Variants in CACNA2D3 observed in about 807,000 individuals in gnomAD.
CACNA2D3 encodes the protein calcium voltage-gated channel auxiliary subunit alpha2delta 3.
A neutral mutation model predicts 160.6 loss-of-function variants in CACNA2D3; 60 were observed. That is an observed-to-expected ratio of 0.37 (90% CI 0.30 to 0.46). The LOEUF is 0.46. Ranked by LOEUF, CACNA2D3 falls within the 20% of genes least tolerant of loss-of-function variation. The pLI is 1.00. For missense variants in CACNA2D3, 1,205 were observed against 1,365.0 expected (o/e 0.88, Z 1.85); for synonymous variants, 558 against 492.9 (o/e 1.13, Z -1.75).
intron 17 of CACNA2D3, among the ~76,000 whole-genome samples, chr3:54,853,644 G>C (rs1699106920): frequency 6.6e-6 from 1 of 152,172 alleles, no homozygotes; most frequent in African/African-American, 2.4e-5. Flanking sequence ...CAAAGCAAGG[G>C]TTCCCTGGTG....
chr3:54,303,846 T>C (rs1432272150), intron 2 of CACNA2D3, among the ~76,000 whole-genome samples: 1 of 145,016 alleles, frequency 6.9e-6, no homozygotes, highest in African/African-American at 2.6e-5. Flanking sequence ...TTTCTATTGC[T>C]TAGTGCTGCT....
chr3:54,484,674 TTTAATTG>T (rs374386097), intron 4 of CACNA2D3, among the ~76,000 whole-genome samples: 1,806 of 152,320 alleles, frequency 0.012, 25 homozygotes, highest in Middle Eastern at 0.065. Flanking sequence ...GTGTCTATCT[TTTAATTG>T]CTTCTTAACT....
chr3:54,742,274 C>T (rs1701665728), intron 11 of CACNA2D3, among the ~76,000 whole-genome samples: 1 of 151,962 alleles, frequency 6.6e-6, no homozygotes, highest in East Asian at 1.9e-4. Flanking sequence ...CAAAAATTAG[C>T]CAATGTGGTG....
At chr3:54,442,118 A>G (rs1300154074) in intron 4 of CACNA2D3, among the ~76,000 whole-genome samples, 1 of 152,120 alleles carries the variant, frequency 6.6e-6, no homozygotes, top group Non-Finnish European at 1.5e-5. Context: ...TCATACGCTT[A>G]AATTGTTGAT....
chr3:54,132,041 G>A (rs977519203), intron 2 of CACNA2D3, among the ~76,000 whole-genome samples: 6 of 152,178 alleles, frequency 3.9e-5, no homozygotes, highest in Non-Finnish European at 7.3e-5. Flanking sequence ...CTACAGTCGC[G>A]AGTCATAACA....
chr3:54,885,785 A>G (rs1009752110), intron 23 of CACNA2D3, among the ~76,000 whole-genome samples, 199 bp downstream of exon 23: 1 of 152,184 alleles, frequency 6.6e-6, no homozygotes, highest in African/African-American at 2.4e-5. Flanking sequence ...AGAATCCCCA[A>G]TCCTGGTTTA....
At chr3:54,203,264 G>A (rs1428231233) in intron 2 of CACNA2D3, among the ~76,000 whole-genome samples, 3 of 152,164 alleles carry the variant, frequency 2.0e-5, no homozygotes, top group Non-Finnish European at 4.4e-5. Flanking sequence ...CTCGCAGGGC[G>A]TGCGATGGGG....
chr3:54,645,220 T>C (rs561600214), intron 11 of CACNA2D3, among the ~76,000 whole-genome samples: 1 of 152,034 alleles, frequency 6.6e-6, no homozygotes, highest in Non-Finnish European at 1.5e-5. Flanking sequence ...GAGCCTCTTA[T>C]GAAACCATTA....
intron 17 of CACNA2D3, among the ~76,000 whole-genome samples, chr3:54,847,017 A>G (rs545369431): frequency 1.1e-4 from 17 of 152,374 alleles, no homozygotes; most frequent in Admixed American, 1.0e-3. Context: ...TGTCATATCC[A>G]GTAGCATTGC....
intron 34 of CACNA2D3, among the ~76,000 whole-genome samples, chr3:55,015,530 C>A (rs1287569848): frequency 6.6e-6 from 1 of 152,186 alleles, no homozygotes; most frequent in East Asian, 1.9e-4. Flanking sequence ...TGTGCCGCAT[C>A]CACTTATAAC....
Position 54,503,575 on chromosome 3 carries a change from C to T in CACNA2D3, c.465C>T (p.Ala155=), listed in dbSNP as rs779392550. ...FLELGKEFIL[A]PNDHFNNLPV... The stretch of plus-strand genomic sequence containing the variant: ...AGCTGGGAAAGGAATTCATCTTAGC[C>T]CCAAATGACCATTTTAATAATTTGC... The change falls in exon 5 of 38, where the codon GCC becomes GCT. Residue 155 remains alanine, a synonymous_variant. Transcript: ENST00000474759. The T allele has an allele frequency of 1.9e-6, 3 of 1,613,450 alleles. No homozygotes were observed. Among genetic ancestry groups the T allele is most frequent in the South Asian group, 1.1e-5 (1 of 91,078 alleles).
At position 54,525,817 on chromosome 3, in the gene CACNA2D3, G is replaced by T. The variant is rs552774581; in HGVS notation, c.544+22163G>T. On this transcript the variant is annotated intron_variant, in intron 5 of 37. Transcript: ENST00000474759. ...CTATGATGTGTCTTTTTGCATATCT[G>T]TTTGCGTTTATATGAATTGGAGTTC... Among the ~76,000 whole-genome samples the T allele has an allele frequency of 2.7e-5, 4 of 150,370 alleles. No homozygotes were observed. In the South Asian group the frequency reaches 8.5e-4, roughly 32 times the overall value.
chr3:54,437,412 A>G (rs1304950766), intron 4 of CACNA2D3, among the ~76,000 whole-genome samples: 1 of 152,212 alleles, frequency 6.6e-6, no homozygotes, highest in Non-Finnish European at 1.5e-5. Flanking sequence ...TTTTCTAAGT[A>G]AAATAAAACC....
At position 54,969,804 on chromosome 3, in the gene CACNA2D3, C is replaced by T; in HGVS notation, c.2516C>T (p.Ala839Val). 6.2e-7 allele frequency: 1 copy of T among 1,612,782 alleles called. No individual in the cohort carries two copies. The highest frequency in any genetic ancestry group is 8.5e-7 in the Non-Finnish European group (1 of 1,179,292). ...RKFWTASRQC[A>V]SLDGKCSISC... ...CTCCACTTTTTGCCTTCACAGTGTG[C>T]TTCCCTGGATGGCAAATGCTCCATC... Residue 839 changes from alanine to valine, a missense_variant, in exon 29 of 38, where the codon GCT becomes GTT. Transcript: ENST00000474759.
intron 10 of CACNA2D3, among the ~76,000 whole-genome samples, chr3:54,629,662 C>T (rs188234381): frequency 7.2e-5 from 11 of 152,260 alleles, no homozygotes; most frequent in African/African-American, 2.2e-4. Context: ...GTGACACAGC[C>T]GGCGAGGACA....
At position 54,291,321 on chromosome 3, in the gene CACNA2D3, CAGAT is replaced by C. The variant is rs376137660; in HGVS notation, c.205-29118_205-29115del. 3.3e-5 allele frequency among the ~76,000 whole-genome samples: 5 copies of C among 152,284 alleles called. No homozygotes were observed. The South Asian group carries it at 8.3e-4, about 25-fold the overall frequency. Reference sequence around the variant, plus strand: ...CAGGAATGATTAATATCCTTTTTCTCAGATAGGCAATTAAAATGGCATGTCCATA... The same window carrying C: ...CAGGAATGATTAATATCCTTTTTCTCAGGCAATTAAAATGGCATGTCCATA... On this transcript the variant is annotated intron_variant, in intron 2 of 37. Transcript: ENST00000474759.
At chr3:54,171,227 T>G (rs572188973) in intron 2 of CACNA2D3, among the ~76,000 whole-genome samples, 1 of 148,386 alleles carries the variant, frequency 6.7e-6, no homozygotes, top group East Asian at 2.1e-4. Context: ...TACTTTGCTG[T>G]GCCAAAGTGA....
intron 35 of CACNA2D3, among the ~76,000 whole-genome samples, chr3:55,025,952 T>C (rs1367324124): frequency 2.0e-5 from 3 of 152,088 alleles, no homozygotes; most frequent in African/African-American, 4.8e-5. Flanking sequence ...TTTTTTTTTT[T>C]AGTAAACATT....
chr3:54,496,975 A>G (rs992748259), intron 4 of CACNA2D3, among the ~76,000 whole-genome samples: 5 of 152,084 alleles, frequency 3.3e-5, no homozygotes, highest in African/African-American at 1.2e-4. Flanking sequence ...CTGTTTGTCT[A>G]TTCTAATGCT....
Sources: allele counts gnomAD v4.1 joint callset (sites outside exome capture counted in the v4.1 genomes callset), GRCh38; gene constraint gnomAD v4.1.1; transcripts MANE v1.5; gene names NCBI Gene and HGNC (gene_info 2026-07-23, HGNC 2026-07-21).